The following UGT1A9 variants were observed in gnomAD, a reference collection of about 807,000 sequenced individuals.
UGT1A9 encodes UDP-glucuronosyltransferase 1A9.
Under a neutral mutation model 45.0 loss-of-function variants are expected in UGT1A9, and 35 were observed. That is an observed-to-expected ratio of 0.78 (90% CI 0.59 to 1.03). UGT1A9 has a LOEUF of 1.03. UGT1A9 is among the 50% of genes least tolerant of loss of function. The pLI is 0.00. For synonymous variants in UGT1A9, 278 were observed against 250.6 expected (o/e 1.11, Z -1.03); for missense variants, 687 against 666.6 (o/e 1.03, Z -0.34).
At chr2:233,729,087 G>A (rs1254975365) in intron 1 of UGT1A9, 3 of 1,612,408 alleles carry the variant, frequency 1.9e-6, no homozygotes, top group African/African-American at 1.3e-5. Context: ...AGCAGGCACA[G>A]CGTGGGGTGG....
chr2:233,689,829 T>C (rs2074961574), intron 1 of UGT1A9: 2 of 452,156 alleles, frequency 4.4e-6, no homozygotes, highest in South Asian at 3.1e-5. Context: ...CTCTGGACTC[T>C]AACTTTCTTG....
At chr2:233,710,361 A>G (rs765763847) in intron 1 of UGT1A9, among the ~76,000 whole-genome samples, 6 of 152,226 alleles carry the variant, frequency 3.9e-5, no homozygotes, top group Non-Finnish European at 8.8e-5. Flanking sequence ...AAGCAGTTAT[A>G]CAATTTTACA....
At position 233,740,170 on chromosome 2, in the gene UGT1A9, T is replaced by C. The variant is rs191572005; in HGVS notation, c.856-26864T>C. ...TGAGGCCTCCCCAGTCATGTGGAAC[T>C]GTGAGTCAATTAAACCTCTTTCTTT... On this transcript the variant is annotated intron_variant, in intron 1 of 4. Transcript: ENST00000354728. Among the ~76,000 whole-genome samples the C allele has an allele frequency of 5.3e-5, 8 of 151,994 alleles. No individual in the cohort carries two copies. The East Asian group carries it at 1.5e-3, about 29-fold the overall frequency.
intron 1 of UGT1A9, among the ~76,000 whole-genome samples, chr2:233,702,234 A>G (rs1420073908): frequency 2.0e-5 from 3 of 152,140 alleles, no homozygotes; most frequent in African/African-American, 7.2e-5. Flanking sequence ...GAATTTGCCT[A>G]TTTCTATGGA....
chr2:233,747,258 A>T, intron 1 of UGT1A9: 1 of 1,600,094 alleles, frequency 6.2e-7, no homozygotes, highest in Non-Finnish European at 8.5e-7. Context: ...TGGCCACAGG[A>T]GTGCTACTCC....
Position 233,728,007 on chromosome 2 carries a change from C to A in UGT1A9, c.856-39027C>A, listed in dbSNP as rs149726573. ...GGCATCAGCAATCTTGTGAGCACAG[C>A]ACATGTGGGAGTGACTTTCTGGAGT... On this transcript the variant is annotated intron_variant, in intron 1 of 4. Transcript: ENST00000354728. Among the ~76,000 whole-genome samples the A allele has an allele frequency of 4.5e-3, 686 of 152,336 alleles. 5 individuals carry two copies. Among genetic ancestry groups the A allele is most frequent in the African/African-American group, 0.016 (647 of 41,580 alleles).
rs1374250230 is a variant in UGT1A9, at chr2:233,725,069, C to T, written c.856-41965C>T. 4.1e-5 allele frequency among the ~76,000 whole-genome samples: 6 copies of T among 146,562 alleles called. 2 individuals carry two copies. Among genetic ancestry groups the T allele is most frequent in the Admixed American group, 2.7e-4 (4 of 14,618 alleles). ...AGGCGTGGCGGCGCGCGCCTGCAAT[C>T]GCAGGCACTCGGCAGGCTGAGGCAG... On this transcript the variant is annotated intron_variant, in intron 1 of 4. Transcript: ENST00000354728.
rs568508589 is a variant in UGT1A9, at chr2:233,772,293, C to T, written c.1327C>T (p.Leu443Phe). ...YKENIMRLSS[L>F]HKDRPVEPLD... Reference sequence around the variant, plus strand: ...GGAGAACATCATGCGCCTCTCCAGCCTTCACAAGGACCGCCCGGTGGAGCC... The same window carrying T: ...GGAGAACATCATGCGCCTCTCCAGCTTTCACAAGGACCGCCCGGTGGAGCC... The change falls in exon 5 of 5, where the codon CTT becomes TTT. Residue 443 changes from leucine (L) to phenylalanine (F), a missense_variant. Transcript: ENST00000354728. 1.2e-6 allele frequency: 2 copies of T among 1,614,258 alleles called. No homozygotes were observed. Among genetic ancestry groups the T allele is most frequent in the Non-Finnish European group, 1.7e-6 (2 of 1,180,050 alleles).
Position 233,687,583 on chromosome 2 carries a change from TAAAAAA to T in UGT1A9, c.855+14813_855+14818del, listed in dbSNP as rs71398794. 5.3e-3 allele frequency among the ~76,000 whole-genome samples: 569 copies of T among 107,448 alleles called. 7 individuals are homozygous for T. The highest frequency in any genetic ancestry group is 0.018 in the African/African-American group (528 of 29,724). The allele number at this position is 107,448 out of a possible 152,430, so 70.5% of individuals were successfully genotyped here. A position where few individuals can be genotyped will look rare whatever the true frequency, so the allele number is the denominator to read the frequency against. The stretch of plus-strand genomic sequence containing the variant: ...AGAATTCAAGACCATACATTCTTTG[TAAAAAA>T]AAAAAAAAAAAAAAAAAAGGAAAGA... On this transcript the variant is annotated intron_variant, in intron 1 of 4. Transcript: ENST00000354728.
chr2:233,690,976 A>T (rs1234875784), intron 1 of UGT1A9: 6 of 1,000,018 alleles, frequency 6.0e-6, no homozygotes, highest in East Asian at 1.1e-4. Flanking sequence ...TAAGAACAGG[A>T]CCCACATATG....
intron 1 of UGT1A9, chr2:233,718,953 C>A (rs369434904): frequency 1.2e-6 from 2 of 1,614,166 alleles, no homozygotes; most frequent in East Asian, 4.5e-5. Flanking sequence ...GCTCAGCATG[C>A]GGGAGGCCTT....
intron 1 of UGT1A9, chr2:233,682,542 C>G (rs758283068): frequency 3.1e-6 from 5 of 1,613,928 alleles, no homozygotes; most frequent in Admixed American, 3.3e-5. Context: ...GACGCCATGA[C>G]TTTCAAGGAG....
intron 1 of UGT1A9, chr2:233,692,374 T>C (rs932827804): frequency 6.5e-6 from 1 of 155,020 alleles, no homozygotes. Flanking sequence ...TAGCAAATGA[T>C]TGACTCCAAG....
rs112242313 is a variant in UGT1A9, at chr2:233,705,319, A to G, written c.855+32530A>G. Among the ~76,000 whole-genome samples the G allele has an allele frequency of 2.0e-3, 307 of 152,310 alleles. 1 individual carries two copies. Among genetic ancestry groups the G allele is most frequent in the Non-Finnish European group, 6.6e-4 (45 of 68,036 alleles). ...GTATTTCTTGTAAGTTGAGTTTTTC[A>G]GCAACACATTCTCTCAATTTTTGTC... On this transcript the variant is annotated intron_variant, in intron 1 of 4. Coordinates refer to ENST00000354728, the MANE Select transcript of UGT1A9 (RefSeq NM_021027.3).
intron 1 of UGT1A9, chr2:233,691,082 A>G (rs2075027745): frequency 1.0e-6 from 1 of 986,066 alleles, no homozygotes; most frequent in Admixed American, 6.1e-5. Context: ...TGAAGTTTGT[A>G]GCATCTCTTG....
intron 1 of UGT1A9, among the ~76,000 whole-genome samples, chr2:233,732,038 A>G (rs541263635): frequency 3.5e-4 from 54 of 152,356 alleles, no homozygotes; most frequent in African/African-American, 1.2e-3. Context: ...ATGACCAGTG[A>G]TGATGAGCAT....
At chr2:233,712,198 C>T (rs1297266940) in intron 1 of UGT1A9, among the ~76,000 whole-genome samples, 1 of 152,186 alleles carries the variant, frequency 6.6e-6, no homozygotes, top group Non-Finnish European at 1.5e-5. Flanking sequence ...TCCCCCGGTC[C>T]CTTGGTGAGC....
At chr2:233,747,724 T>G in intron 1 of UGT1A9, 1 of 1,613,440 alleles carries the variant, frequency 6.2e-7, no homozygotes, top group Admixed American at 1.7e-5. Flanking sequence ...CCTGCTGTGT[T>G]TTTTTTGAGG....
chr2:233,728,926 A>AAAAACTG (rs1334222423), intron 1 of UGT1A9, among the ~76,000 whole-genome samples: 4,919 of 152,266 alleles, frequency 0.032, 259 homozygotes, highest in African/African-American at 0.11. Flanking sequence ...GATAGTCATG[A>AAAAACTG]TCGGTCTTTT....
Sources: allele counts gnomAD v4.1 joint callset (sites outside exome capture counted in the v4.1 genomes callset), GRCh38; gene constraint gnomAD v4.1.1; transcripts MANE v1.5; gene names NCBI Gene and HGNC (gene_info 2026-07-23, HGNC 2026-07-21).